Variants in NPAS3 observed in about 807,000 individuals in gnomAD.
NPAS3 encodes neuronal PAS domain protein 3.
In NPAS3, 14 loss-of-function variants were observed where a neutral mutation model predicts 73.1. The ratio of observed to expected loss-of-function variants is 0.19; its 90% CI spans 0.13 to 0.30. The LOEUF is 0.30. NPAS3 is among the 10% of genes least tolerant of loss of function. The pLI is 1.00. For missense variants in NPAS3, 1,096 were observed against 1,250.0 expected (o/e 0.88, Z 1.86); for synonymous variants, 620 against 541.5 (o/e 1.14, Z -2.01).
Position 33,228,643 on chromosome 14 carries a change from ACT to A in NPAS3, c.385+13220_385+13221del, listed in dbSNP as rs1194767223. Among the ~76,000 whole-genome samples, 4 of 152,108 alleles carry A rather than the reference ACT, an allele frequency of 2.6e-5. No homozygotes were observed. In the South Asian group the frequency reaches 6.2e-4, roughly 24 times the overall value. On this transcript the variant is annotated intron_variant, in intron 3 of 11. Coordinates refer to ENST00000356141, the Ensembl canonical transcript of NPAS3. Reference sequence around the variant, plus strand: ...ATTTGAATATTTATTATATTGCAAGACTCTGTACTAGGCTCTCTGGGGGATGC... The same window carrying A: ...ATTTGAATATTTATTATATTGCAAGACTGTACTAGGCTCTCTGGGGGATGC...
rs1445021055 is a variant in NPAS3 at position 33,676,123 on chromosome 14, T to C, written c.559-88T>C. ...TGGGACCTGAATGTATTTTCTTTTC[T>C]ACTCAGAATCTGAATCACTGTGTTG... On this transcript the variant is annotated intron_variant, in intron 5 of 11. Transcript: ENST00000356141. 7 of 1,318,616 alleles carry C rather than the reference T, an allele frequency of 5.3e-6. No homozygotes were observed. In the Admixed American group the frequency reaches 6.3e-5, roughly 12 times the overall value. 81.7% of individuals were successfully genotyped at this position (1,318,616 alleles called of 1,614,324 possible).
chr14:33,750,605 T>G (rs748631530), intron 7 of NPAS3, among the ~76,000 whole-genome samples: 1 of 152,184 alleles, frequency 6.6e-6, no homozygotes, highest in Non-Finnish European at 1.5e-5. Flanking sequence ...AGAAGTCTAG[T>G]GTAACCAAGA....
At chr14:33,592,376 C>T (rs1351394556) in intron 5 of NPAS3, among the ~76,000 whole-genome samples, 10 of 152,148 alleles carry the variant, frequency 6.6e-5, no homozygotes. Flanking sequence ...AAGCTTCAAA[C>T]TTAATTGGAG....
intron 3 of NPAS3, among the ~76,000 whole-genome samples, chr14:33,323,777 C>T (rs76423867): frequency 0.015 from 2,328 of 152,316 alleles, 65 homozygotes; most frequent in African/African-American, 0.05. Flanking sequence ...AAAAGGCTTA[C>T]GCCATCATTT....
intron 1 of NPAS3, among the ~76,000 whole-genome samples, chr14:32,960,546 CA>C (rs1487002371): frequency 1.3e-5 from 2 of 152,144 alleles, no homozygotes; most frequent in African/African-American, 4.8e-5. Flanking sequence ...GAAGGGTGAG[CA>C]GCTATTTCAT....
chr14:32,990,282 C>A (rs758114908), intron 1 of NPAS3, among the ~76,000 whole-genome samples: 4 of 152,106 alleles, frequency 2.6e-5, no homozygotes, highest in Non-Finnish European at 5.9e-5. Flanking sequence ...TGTGATTAGC[C>A]TTCAATTCAT....
chr14:33,782,052 A>G (rs2062993885), intron 9 of NPAS3, among the ~76,000 whole-genome samples: 1 of 152,232 alleles, frequency 6.6e-6, no homozygotes, highest in Non-Finnish European at 1.5e-5. Flanking sequence ...ATGTTAGTGA[A>G]ACTACACTGG....
At chr14:33,198,399 T>C (rs12882122) in intron 2 of NPAS3, among the ~76,000 whole-genome samples, 1 of 152,130 alleles carries the variant, frequency 6.6e-6, no homozygotes, top group Non-Finnish European at 1.5e-5. Context: ...AGGGTGCTGA[T>C]TGGCAGATTT....
intron 1 of NPAS3, among the ~76,000 whole-genome samples, chr14:32,947,549 A>G (rs2036310966): frequency 6.6e-6 from 1 of 152,184 alleles, no homozygotes; most frequent in African/African-American, 2.4e-5. Flanking sequence ...AGATTTTTGT[A>G]TATAGTGTAC....
intron 3 of NPAS3, among the ~76,000 whole-genome samples, chr14:33,320,874 C>T (rs2043413370): frequency 6.6e-6 from 1 of 151,276 alleles, no homozygotes; most frequent in South Asian, 2.1e-4. Context: ...TAGATGTATA[C>T]ACCTCAAAAA....
intron 1 of NPAS3, among the ~76,000 whole-genome samples, chr14:32,975,890 TGTGTGTGA>T (rs1308951743): frequency 5.7e-5 from 7 of 123,162 alleles, no homozygotes; most frequent in African/African-American, 1.8e-4. Flanking sequence ...TGTGTGTGTG[TGTGTGTGA>T]GAGAGAGAGA....
chr14:33,013,917 C>A (rs912569011), intron 1 of NPAS3, among the ~76,000 whole-genome samples: 5 of 152,078 alleles, frequency 3.3e-5, no homozygotes, highest in African/African-American at 1.2e-4. Flanking sequence ...GAATTTTTGT[C>A]ATTTTCTTTT....
At chr14:33,251,956 C>T (rs1566725477) in intron 3 of NPAS3, among the ~76,000 whole-genome samples, 1 of 151,696 alleles carries the variant, frequency 6.6e-6, no homozygotes, top group Non-Finnish European at 1.5e-5. Context: ...TCGTTGTCTA[C>T]GTTTACTTCT....
At position 33,368,442 on chromosome 14, in the gene NPAS3, C is replaced by T. The variant is rs531901439; in HGVS notation, c.468+1174C>T. On this transcript the variant is annotated intron_variant, in intron 4 of 11. Coordinates refer to ENST00000356141, the Ensembl canonical transcript of NPAS3. ...ATGCATTCTTGGGCCTCAACCTAGA[C>T]CTACTAAATCAGAGTTTATAGGGTA... Among the ~76,000 whole-genome samples the T allele has an allele frequency of 3.9e-5, 6 of 152,206 alleles. No homozygotes were observed. The South Asian group carries it at 1.0e-3, about 26-fold the overall frequency.
intron 5 of NPAS3, among the ~76,000 whole-genome samples, chr14:33,591,369 C>T (rs559204441): frequency 6.6e-6 from 1 of 152,258 alleles, no homozygotes; most frequent in South Asian, 2.1e-4. Flanking sequence ...TATACTAAAC[C>T]ATCCCCCACT....
At chr14:33,769,748 TTTTTTTTC>T (rs1415511188) in intron 7 of NPAS3, among the ~76,000 whole-genome samples, 3 of 125,668 alleles carry the variant, frequency 2.4e-5, no homozygotes, top group South Asian at 2.6e-4. Context: ...GACTTGGATT[TTTTTTTTC>T]TTTTTTTTTT....
intron 5 of NPAS3, among the ~76,000 whole-genome samples, chr14:33,630,436 C>T (rs563266853): frequency 6.6e-6 from 1 of 152,316 alleles, no homozygotes; most frequent in Admixed American, 6.5e-5. Flanking sequence ...AATTATCCCA[C>T]TGAGATGTTT....
At chr14:33,547,227 A>G (rs1232874750) in intron 4 of NPAS3, among the ~76,000 whole-genome samples, 3 of 152,212 alleles carry the variant, frequency 2.0e-5, no homozygotes, top group Non-Finnish European at 4.4e-5. Context: ...GCTGTGACAC[A>G]TTTAAGTAGA....
intron 2 of NPAS3, among the ~76,000 whole-genome samples, chr14:33,073,696 A>G (rs1484859945): frequency 6.6e-6 from 1 of 152,244 alleles, no homozygotes; most frequent in Non-Finnish European, 1.5e-5. Context: ...GGGTTTAGGC[A>G]TACGGAGTCT....
Sources: gnomAD v4.1 joint callset for allele counts (sites outside exome capture counted in the v4.1 genomes callset) on GRCh38, gnomAD v4.1.1 for gene constraint, MANE v1.5 for transcripts, NCBI Gene and HGNC (gene_info 2026-07-23, HGNC 2026-07-21) for gene names.